The following PKD2L1 variants were observed in gnomAD, a reference collection of about 807,000 sequenced individuals.
PKD2L1 encodes polycystin-2-like protein 1.
PKD2L1 carries 77 observed loss-of-function variants against 93.0 expected under a neutral mutation model. The observed-to-expected ratio is 0.83, with a 90% confidence interval of 0.69 to 1.00. The LOEUF is 1.00. Ranked by LOEUF, PKD2L1 falls within the 50% of genes least tolerant of loss-of-function variation. The probability of loss-of-function intolerance (pLI) is 0.00; values close to 1 mark genes in which losing one functional copy is unlikely to be tolerated. For synonymous variants in PKD2L1, 390 were observed against 388.0 expected (o/e 1.01, Z -0.06); for missense variants, 977 against 990.9 (o/e 0.99, Z 0.19).
rs199835428 is a variant in PKD2L1, at chr10:100,329,986, T to C, written c.118A>G (p.Ile40Val). 8.7e-6 allele frequency: 14 copies of C among 1,614,000 alleles called. No individual in the cohort carries two copies. In the East Asian group the frequency reaches 2.5e-4, roughly 28 times the overall value. Residue 40 changes from isoleucine to valine, a missense_variant, in exon 1 of 16, where the codon ATC (isoleucine) becomes GTC (valine). Transcript: ENST00000318222. ...GGCTGGAGAGGCCCCGTGCTGGAGA[T>C]GGTGCAGACTCTCAGCGTCCCGTGT... The part of the protein sequence containing the change: ...SPHGTLRVCT[I>V]SSTGPLQPQP...
Position 100,299,573 on chromosome 10 carries a change from A to C in PKD2L1, c.477+18T>G, listed in dbSNP as rs1404951902. ...ATTGAGAAAGAGAGGGGAGGGGTAG[A>C]AAAGATCTTATACTCACATCCCAGA... On this transcript the variant is annotated intron_variant, in intron 3 of 15. Coordinates refer to ENST00000318222, the MANE Select transcript of PKD2L1 (RefSeq NM_016112.3). 7 of 1,612,764 alleles carry C rather than the reference A, an allele frequency of 4.3e-6. No individual in the cohort carries two copies. Among genetic ancestry groups the C allele is most frequent in the Non-Finnish European group, 5.9e-6 (7 of 1,178,886 alleles).
rs772639159 is a variant in PKD2L1 at position 100,330,139 on chromosome 10, C to A, written c.-36G>T. 1.5e-6 allele frequency: 2 copies of A among 1,347,040 alleles called. No homozygotes were observed. The highest frequency in any genetic ancestry group is 1.3e-5 in the South Asian group (1 of 74,236). 83.4% of individuals were successfully genotyped at this position (1,347,040 alleles called of 1,614,324 possible). Reference sequence around the variant, plus strand: ...GTGGGGGGGCCCGGTACCCCAGGTGCCCACTCTCAGCTAGAGGAAGAGGGA... The same window carrying A: ...GTGGGGGGGCCCGGTACCCCAGGTGACCACTCTCAGCTAGAGGAAGAGGGA... On this transcript the variant is annotated 5_prime_UTR_variant, in exon 1 of 16. Coordinates refer to ENST00000318222, the MANE Select transcript of PKD2L1 (RefSeq NM_016112.3).
At chr10:100,307,364 G>A (rs960957872) in intron 2 of PKD2L1, among the ~76,000 whole-genome samples, 8 of 152,154 alleles carry the variant, frequency 5.3e-5, no homozygotes, top group African/African-American at 1.7e-4. Flanking sequence ...ATTATCCCAA[G>A]AGATACATGT....
At chr10:100,296,763 T>A (rs529528246) in intron 6 of PKD2L1, among the ~76,000 whole-genome samples, 1 of 148,246 alleles carries the variant, frequency 6.7e-6, no homozygotes, top group Non-Finnish European at 1.5e-5. Flanking sequence ...AGGGCTCAGA[T>A]GACAGGTGAG....
intron 3 of PKD2L1, among the ~76,000 whole-genome samples, chr10:100,299,257 T>C (rs1183889397): frequency 1.3e-5 from 2 of 152,170 alleles, no homozygotes; most frequent in Non-Finnish European, 2.9e-5. Context: ...GTGCCCGGCC[T>C]GCTTTTTAAA....
chr10:100,308,386 G>T (rs1251844997), intron 2 of PKD2L1, among the ~76,000 whole-genome samples: 1 of 151,470 alleles, frequency 6.6e-6, no homozygotes, highest in Non-Finnish European at 1.5e-5. Flanking sequence ...CCTGGCTGGA[G>T]TGCAATGACA....
intron 12 of PKD2L1, 28 bp from the exon 13 acceptor site, chr10:100,290,547 G>T (rs372658187): frequency 6.3e-5 from 92 of 1,457,316 alleles, no homozygotes; most frequent in South Asian, 6.1e-4. Flanking sequence ...GGTTAGAGGG[G>T]AGGAGATAAC....
At chr10:100,309,339 T>C (rs1387806119) in intron 2 of PKD2L1, among the ~76,000 whole-genome samples, 2 of 152,062 alleles carry the variant, frequency 1.3e-5, no homozygotes, top group East Asian at 3.8e-4. Context: ...TTCTTTCTTT[T>C]CATTCTCATG....
At position 100,299,590 on chromosome 10, in the gene PKD2L1, C is replaced by T. The variant is rs200913829; in HGVS notation, c.477+1G>A. 8.1e-6 allele frequency: 13 copies of T among 1,613,840 alleles called. No individual in the cohort carries two copies. In the South Asian group the frequency reaches 9.9e-5, roughly 12 times the overall value. ...AGGGGTAGAAAAGATCTTATACTCACATCCCAGAAGTCCGCCATGCTGCTG... is the reference window on the plus strand; with the variant it reads ...AGGGGTAGAAAAGATCTTATACTCATATCCCAGAAGTCCGCCATGCTGCTG... On this transcript the variant is annotated splice_donor_variant, in intron 3 of 15. Transcript: ENST00000318222. LOFTEE classifies it high-confidence loss of function.
intron 2 of PKD2L1, among the ~76,000 whole-genome samples, chr10:100,328,028 G>A (rs913979590): frequency 6.6e-6 from 1 of 152,192 alleles, no homozygotes; most frequent in Non-Finnish European, 1.5e-5. Flanking sequence ...CAAGAACAGA[G>A]TATTGCGGAG....
chr10:100,291,834 G>T (rs1156522286), intron 11 of PKD2L1, among the ~76,000 whole-genome samples: 1 of 152,054 alleles, frequency 6.6e-6, no homozygotes, highest in Non-Finnish European at 1.5e-5. Context: ...TGGCAGAGTG[G>T]TAGTGTGGCC....
chr10:100,312,127 G>A (rs1848947944), intron 2 of PKD2L1, among the ~76,000 whole-genome samples: 4 of 152,184 alleles, frequency 2.6e-5, no homozygotes, highest in South Asian at 2.1e-4. Context: ...GAGGAAAGTA[G>A]GAACCTGGAA....
intron 2 of PKD2L1, among the ~76,000 whole-genome samples, chr10:100,310,286 C>T (rs929776003): frequency 5.3e-5 from 8 of 152,166 alleles, no homozygotes; most frequent in Non-Finnish European, 1.2e-4. Context: ...CCACCATGAG[C>T]TGTGTATGCG....
At chr10:100,301,626 T>C (rs1848678786) in intron 2 of PKD2L1, among the ~76,000 whole-genome samples, 1 of 152,220 alleles carries the variant, frequency 6.6e-6, no homozygotes, top group South Asian at 2.1e-4. Flanking sequence ...CCTTGTTCCC[T>C]GAAAATCATT....
rs372732010 is a variant in PKD2L1 at position 100,330,120 on chromosome 10, G to C, written c.-17C>G. 2.7e-6 allele frequency: 4 copies of C among 1,489,988 alleles called. No homozygotes were observed. The highest frequency in any genetic ancestry group is 3.7e-6 in the Non-Finnish European group (4 of 1,092,650). 92.3% of individuals were successfully genotyped at this position (1,489,988 alleles called of 1,614,324 possible). ...AGCATTCATGGGGAATGAGGTGGGG[G>C]GGCCCGGTACCCCAGGTGCCCACTC... On this transcript the variant is annotated 5_prime_UTR_variant, in exon 1 of 16. Coordinates refer to ENST00000318222, the MANE Select transcript of PKD2L1 (RefSeq NM_016112.3).
At position 100,298,622 on chromosome 10, in the gene PKD2L1, T is replaced by C. The variant is rs780174628; in HGVS notation, c.671A>G (p.Tyr224Cys). The C allele has an allele frequency of 1.9e-6, 3 of 1,614,086 alleles. No individual in the cohort carries two copies. Among genetic ancestry groups the C allele is most frequent in the Non-Finnish European group, 2.5e-6 (3 of 1,179,942 alleles). ...TTCTTTGTCTGGAGAGTAGACATCATAGCAGCTCAGAATGTCCTCCCGGAA... is the reference window on the plus strand; with the variant it reads ...TTCTTTGTCTGGAGAGTAGACATCACAGCAGCTCAGAATGTCCTCCCGGAA... ...EDFREDILSC[Y>C]DVYSPDKEEQ... The change falls in exon 4 of 16, where the codon TAT becomes TGT. Residue 224 changes from tyrosine to cysteine, a missense_variant. By Grantham distance (194) the Tyr-to-Cys change is radical (BLOSUM62 -2). Coordinates refer to ENST00000318222, the MANE Select transcript of PKD2L1 (RefSeq NM_016112.3).
rs140257532 is a variant in PKD2L1, at chr10:100,293,465, C to T, written c.1660-86G>A. ...ACTGACCCCATTAATGTCCAAGACA[C>T]GTGTTCCAAAGGGGTCAGTGCTCTC... On this transcript the variant is annotated intron_variant, in intron 9 of 15. Coordinates refer to ENST00000318222, the MANE Select transcript of PKD2L1 (RefSeq NM_016112.3). 295 of 877,644 alleles carry T rather than the reference C, an allele frequency of 3.4e-4. 2 individuals are homozygous for T. The African/African-American group carries it at 4.2e-3, about 12-fold the overall frequency. The allele number at this position is 877,644 out of a possible 1,614,324, so 54.4% of individuals were successfully genotyped here.
At chr10:100,311,989 A>G (rs4919452) in intron 2 of PKD2L1, among the ~76,000 whole-genome samples, 1,594 of 152,010 alleles carry the variant, frequency 0.01, 18 homozygotes, top group Middle Eastern at 0.034. Flanking sequence ...CCTGACAGTC[A>G]CTCCTCTTGG....
rs561037646 is a variant in PKD2L1 at position 100,318,350 on chromosome 10, A to T, written c.349+10861T>A. Among the ~76,000 whole-genome samples the T allele has an allele frequency of 7.2e-5, 11 of 152,262 alleles. No individual in the cohort carries two copies. In the South Asian group the frequency reaches 2.3e-3, roughly 32 times the overall value. The stretch of plus-strand genomic sequence containing the variant: ...TTACCCATGAACAAAACTTCCTATG[A>T]ATCATGAAGTTCAGAGTGTACATGA... On this transcript the variant is annotated intron_variant, in intron 2 of 15. Coordinates refer to ENST00000318222, the MANE Select transcript of PKD2L1 (RefSeq NM_016112.3).
Sources: gnomAD v4.1 joint callset for allele counts (sites outside exome capture counted in the v4.1 genomes callset) on GRCh38, gnomAD v4.1.1 for gene constraint, MANE v1.5 for transcripts, NCBI Gene and HGNC (gene_info 2026-07-23, HGNC 2026-07-21) for gene names.